APBB2: variants seen among roughly 807,000 people sequenced by gnomAD.
APBB2 encodes the protein amyloid beta precursor protein binding family B member 2, also known as Fe65-like 1.
Under a neutral mutation model 82.5 loss-of-function variants are expected in APBB2, and 38 were observed. The observed-to-expected ratio is 0.46, with a 90% confidence interval of 0.36 to 0.60. APBB2 has a LOEUF of 0.60. Ranked by LOEUF, APBB2 falls within the 20% of genes least tolerant of loss-of-function variation. APBB2 has a pLI of 0.00. For synonymous variants in APBB2, 341 were observed against 368.2 expected (o/e 0.93, Z 0.85); for missense variants, 772 against 972.3 (o/e 0.79, Z 2.74).
At chr4:41,013,510 G>C in intron 6 of APBB2, 73 bp downstream of exon 6, 1 of 1,422,982 alleles carries the variant, frequency 7.0e-7, no homozygotes, top group Non-Finnish European at 9.7e-7. Context: ...GGTCAGTCTA[G>C]AGATTTACTC....
chr4:41,040,719 A>C (rs1475454455), intron 4 of APBB2, among the ~76,000 whole-genome samples: 1 of 151,970 alleles, frequency 6.6e-6, no homozygotes, highest in Non-Finnish European at 1.5e-5. Flanking sequence ...TTCTCACCAC[A>C]TTACTAGGGT....
intron 10 of APBB2, among the ~76,000 whole-genome samples, chr4:40,911,966 G>A (rs1002098656): frequency 2.2e-4 from 33 of 152,308 alleles, no homozygotes; most frequent in African/African-American, 4.8e-4. Context: ...AAATCGGACC[G>A]GCTAGACATG....
At position 40,826,842 on chromosome 4, in the gene APBB2, TAAAG is replaced by T; in HGVS notation, c.1732+286_1732+289del. 6.6e-6 allele frequency: 2 copies of T among 303,232 alleles called. No individual in the cohort carries two copies. The highest frequency in any genetic ancestry group is 1.2e-5 in the Non-Finnish European group (2 of 161,642). The allele number at this position is 303,232 out of a possible 1,614,324, so 18.8% of individuals were successfully genotyped here. ...AATTATAATATGAAGACAGTATTCT[TAAAG>T]AACATAAAATACAAAACAAAATGAA... On this transcript the variant is annotated intron_variant, in intron 14 of 17. Coordinates refer to ENST00000508593, the MANE Select transcript of APBB2 (RefSeq NM_004307.2). This position sits in a 1 kb window ranked among gnomAD's most constrained non-coding sequence, Gnocchi z 4.5.
At chr4:40,820,751 C>T (rs545370221) in intron 17 of APBB2, among the ~76,000 whole-genome samples, 9 of 152,158 alleles carry the variant, frequency 5.9e-5, no homozygotes, top group Non-Finnish European at 1.0e-4. Context: ...GGCCCCCACA[C>T]GCCATCATCA....
chr4:41,145,582 C>A (rs1760493191), intron 1 of APBB2, among the ~76,000 whole-genome samples: 1 of 152,160 alleles, frequency 6.6e-6, no homozygotes, highest in Admixed American at 6.5e-5. Context: ...CACAGCTCTG[C>A]CTAGAACATG....
chr4:41,158,958 GGCTCAGGAATCCCGGACAC>G (rs1441145453), intron 1 of APBB2, among the ~76,000 whole-genome samples: 1 of 152,056 alleles, frequency 6.6e-6, no homozygotes, highest in African/African-American at 2.4e-5. Flanking sequence ...CTATGACCTG[GGCTCAGGAATCCCGGACAC>G]AGTTCCAAAT....
intron 2 of APBB2, among the ~76,000 whole-genome samples, chr4:41,141,856 C>T (rs1759312335): frequency 6.6e-6 from 1 of 152,136 alleles, no homozygotes; most frequent in Admixed American, 6.5e-5. Context: ...CAGGAAAACC[C>T]CACCCCCATA....
At chr4:41,006,521 T>C (rs1806789887) in intron 6 of APBB2, among the ~76,000 whole-genome samples, 1 of 152,164 alleles carries the variant, frequency 6.6e-6, no homozygotes. Flanking sequence ...TGGAGTGTAA[T>C]GGTGTGATCT....
chr4:41,150,453 T>C (rs1761975769), intron 1 of APBB2, among the ~76,000 whole-genome samples: 3 of 152,224 alleles, frequency 2.0e-5, no homozygotes, highest in African/African-American at 4.8e-5. Context: ...TTAGGAATTA[T>C]TGCCAAAGCT....
intron 2 of APBB2, among the ~76,000 whole-genome samples, chr4:41,115,980 T>C (rs1750844512): frequency 6.6e-6 from 1 of 152,152 alleles, no homozygotes; most frequent in Admixed American, 6.5e-5. Context: ...TACAAAAAGA[T>C]TATAAATCAT....
intron 10 of APBB2, among the ~76,000 whole-genome samples, chr4:40,918,384 C>T (rs1780357569): frequency 6.6e-6 from 1 of 152,226 alleles, no homozygotes; most frequent in South Asian, 2.1e-4. Context: ...AACCTCTGAG[C>T]TATCTGTGTC....
intron 3 of APBB2, among the ~76,000 whole-genome samples, chr4:41,099,389 C>G (rs1744609636): frequency 6.6e-6 from 1 of 152,124 alleles, no homozygotes; most frequent in Non-Finnish European, 1.5e-5. Context: ...CCACCATACC[C>G]AGCTAATTTT....
intron 3 of APBB2, among the ~76,000 whole-genome samples, chr4:41,078,669 C>T (rs945259215): frequency 6.6e-6 from 1 of 152,122 alleles, no homozygotes. Context: ...AACAACTGGC[C>T]GTCTTAGTTA....
At chr4:41,096,132 T>A (rs539097152) in intron 3 of APBB2, among the ~76,000 whole-genome samples, 1 of 152,248 alleles carries the variant, frequency 6.6e-6, no homozygotes, top group African/African-American at 2.4e-5. Context: ...AGCTCTTCAA[T>A]GCAGTGAACA....
At chr4:40,943,253 G>A (rs1436205926) in intron 7 of APBB2, among the ~76,000 whole-genome samples, 1 of 150,114 alleles carries the variant, frequency 6.7e-6, no homozygotes, top group Admixed American at 6.6e-5. Flanking sequence ...ACATATGAAT[G>A]CTGGCACCAA....
chr4:40,891,523 T>C (rs181725703), intron 11 of APBB2, among the ~76,000 whole-genome samples: 3 of 152,274 alleles, frequency 2.0e-5, no homozygotes, highest in East Asian at 1.9e-4. Flanking sequence ...TGGTATAGTT[T>C]TGGGGAATGA....
chr4:41,166,181 T>G (rs1032949419), intron 1 of APBB2, among the ~76,000 whole-genome samples: 3 of 151,858 alleles, frequency 2.0e-5, no homozygotes, highest in Non-Finnish European at 4.4e-5. Flanking sequence ...AGTACCCACT[T>G]TCTGCTCCAA....
chr4:41,080,948 C>T lies in APBB2; in HGVS notation c.-148-15275G>A, dbSNP rs74430949. ...AGATATTTTTGTATTTTAGGAGTTT[C>T]ACCATGTAGGCCAGGCTGGCCTGGA... On this transcript the variant is annotated intron_variant, in intron 3 of 17. Coordinates refer to ENST00000508593, the MANE Select transcript of APBB2 (RefSeq NM_004307.2). Among the ~76,000 whole-genome samples, 132 of 152,218 alleles carry T rather than the reference C, an allele frequency of 8.7e-4. 1 individual carries two copies. The East Asian group carries it at 0.021, about 25-fold the overall frequency.
intron 6 of APBB2, among the ~76,000 whole-genome samples, chr4:40,971,559 G>C (rs1291437048): frequency 6.6e-6 from 1 of 152,112 alleles, no homozygotes; most frequent in African/African-American, 2.4e-5. Context: ...GAGGCTATTA[G>C]ATAACATAAC....
Sources: gnomAD v4.1 joint callset for allele counts (sites outside exome capture counted in the v4.1 genomes callset) on GRCh38, gnomAD v4.1.1 for gene constraint, Gnocchi (gnomAD v3.1) non-coding constraint, MANE v1.5 for transcripts, NCBI Gene and HGNC (gene_info 2026-07-23, HGNC 2026-07-21) for gene names.